The following SHPRH variants were observed in gnomAD, a reference collection of about 807,000 sequenced individuals.
SHPRH encodes the protein E3 ubiquitin-protein ligase SHPRH.
In SHPRH, 106 loss-of-function variants were observed where a neutral mutation model predicts 202.5. That is an observed-to-expected ratio of 0.52 (90% CI 0.45 to 0.62). The LOEUF (loss-of-function observed/expected upper bound fraction) is 0.62. SHPRH is among the 20% of genes least tolerant of loss of function. The pLI is 0.00. For synonymous variants in SHPRH, 729 were observed against 686.0 expected (o/e 1.06, Z -0.98); for missense variants, 1,710 against 2,020.0 (o/e 0.85, Z 2.94).
chr6:145,921,246 G>C lies in SHPRH; in HGVS notation c.3929C>G (p.Ser1310Ter). The change falls in exon 21 of 30, where the codon TCA (serine) becomes TGA (stop). Residue 1310 changes from serine to a stop codon, truncating the protein, a stop_gained. Transcript: ENST00000275233. LOFTEE classifies it high-confidence loss of function. ...AACAAATTCAACATCAAACCTATGT[G>C]ATTTTGCAAATGATAGTATTGCTTT... Reference protein sequence around the residue: ...SMKAILSFAKSHRFDVEFVDE... With the variant: ...SMKAILSFAK The C allele has an allele frequency of 6.2e-7, 1 of 1,612,796 alleles. No homozygotes were observed. Among genetic ancestry groups the C allele is most frequent in the Non-Finnish European group, 8.5e-7 (1 of 1,179,284 alleles).
At chr6:145,869,758 TCA>T (rs1779967674) in intron 2 of SHPRH, among the ~76,000 whole-genome samples, 1 of 152,042 alleles carries the variant, frequency 6.6e-6, no homozygotes, top group Non-Finnish European at 1.5e-5. Context: ...TTAGATACTA[TCA>T]GTCTTCTGAC....
chr6:145,895,818 C>T (rs981052693), intron 25 of SHPRH, among the ~76,000 whole-genome samples: 3 of 151,910 alleles, frequency 2.0e-5, no homozygotes, highest in Non-Finnish European at 2.9e-5. Flanking sequence ...TCCAATAGGG[C>T]TGAATGATAA....
At chr6:145,878,403 A>G (rs1780399195) in intron 2 of SHPRH, among the ~76,000 whole-genome samples, 1 of 152,188 alleles carries the variant, frequency 6.6e-6, no homozygotes, top group African/African-American at 2.4e-5. Context: ...CCCGTGTAGT[A>G]GCATACAGAA....
intron 1 of SHPRH, among the ~76,000 whole-genome samples, chr6:145,962,983 T>C (rs1326930938): frequency 6.6e-6 from 1 of 152,248 alleles, no homozygotes; most frequent in East Asian, 1.9e-4. Flanking sequence ...GCCTAAACTC[T>C]TAATAATAAA....
chr6:145,944,663 T>A (rs1304224121), intron 8 of SHPRH, among the ~76,000 whole-genome samples: 1 of 152,130 alleles, frequency 6.6e-6, no homozygotes, highest in Admixed American at 6.6e-5. Context: ...AAATTTTTTG[T>A]CTTTTTCTTG....
Position 145,886,784 on chromosome 6 carries a change from G to T in SHPRH, c.4959C>A (p.His1653Gln). The stretch of plus-strand genomic sequence containing the variant: ...CTGAATGCTTTGCTGATGAGTTCGT[G>T]TGACTGCAAGGTTTCCCAAATGAGC... ...QAMLKTAERS[H>Q]TNSSAKHSEA... is the part of the protein sequence containing the mutation. The change falls in exon 30 of 30, where the codon CAC becomes CAA. Residue 1653 changes from histidine (H) to glutamine (Q), a missense_variant. Around this residue, in one of 8 missense-constraint regions of SHPRH, gnomAD observed 306 missense variants for 479.5 expected, o/e 0.64. Transcript: ENST00000275233. 1 of 1,612,944 alleles carries T rather than the reference G, an allele frequency of 6.2e-7. No individual in the cohort carries two copies. The highest frequency in any genetic ancestry group is 1.1e-5 in the South Asian group (1 of 90,838).
intron 25 of SHPRH, among the ~76,000 whole-genome samples, chr6:145,901,833 T>A (rs1782530791): frequency 1.3e-5 from 2 of 152,052 alleles, no homozygotes; most frequent in African/African-American, 4.8e-5. Context: ...CACACCCTAA[T>A]CCTAACTTTG....
intron 6 of SHPRH, 135 bp downstream of exon 6, chr6:145,947,354 TTAAC>T (rs956090932): frequency 8.3e-6 from 8 of 964,618 alleles, no homozygotes; most frequent in Non-Finnish European, 1.2e-5. Context: ...CCACTTGAAG[TTAAC>T]TAACCACTAA....
chr6:145,959,721 C>T (rs1788896470), intron 1 of SHPRH, among the ~76,000 whole-genome samples: 1 of 152,216 alleles, frequency 6.6e-6, no homozygotes, highest in Non-Finnish European at 1.5e-5. Flanking sequence ...TGCAAAAAGT[C>T]TATGTATCAG....
At chr6:145,892,409 A>G (rs1268658075) in intron 28 of SHPRH, among the ~76,000 whole-genome samples, 1 of 152,018 alleles carries the variant, frequency 6.6e-6, no homozygotes, top group African/African-American at 2.4e-5. Context: ...CTACCCCAAC[A>G]CTTTAAGTCA....
intron 2 of SHPRH, among the ~76,000 whole-genome samples, chr6:145,867,617 T>C (rs1170328597): frequency 1.4e-5 from 1 of 69,234 alleles, no homozygotes; most frequent in Non-Finnish European, 2.6e-5. Flanking sequence ...TATATATATA[T>C]ATATATATAT....
In SHPRH at chr6:145,962,091, G is replaced by A. The variant is rs558583222; in HGVS notation, c.-33+1640C>T. On this transcript the variant is annotated intron_variant, in intron 1 of 29. Transcript: ENST00000275233. Reference sequence around the variant, plus strand: ...TTATGTGAAGTTTTCTATATGGACCGCACTTTTACTGTCTTGTATTTAAAT... The same window carrying A: ...TTATGTGAAGTTTTCTATATGGACCACACTTTTACTGTCTTGTATTTAAAT... Among the ~76,000 whole-genome samples, 11 of 152,060 alleles carry A rather than the reference G, an allele frequency of 7.2e-5. No individual in the cohort carries two copies. The East Asian group carries it at 1.2e-3, about 16-fold the overall frequency.
chr6:145,879,867 G>C (rs942146993), downstream of SHPRH, among the ~76,000 whole-genome samples: 1 of 133,244 alleles, frequency 7.5e-6, no homozygotes, highest in Non-Finnish European at 1.5e-5. Flanking sequence ...AGCCAAGATC[G>C]CACCATTGCA....
At chr6:145,860,749 A>C (rs1312011426), downstream of SHPRH, among the ~76,000 whole-genome samples, 1 of 152,140 alleles carries the variant, frequency 6.6e-6, no homozygotes, top group Non-Finnish European at 1.5e-5. Flanking sequence ...ATCAAAACAT[A>C]TTATAAAGCT....
At chr6:145,894,292 G>T in intron 26 of SHPRH, 56 bp from the exon 27 acceptor site, 1 of 1,311,266 alleles carries the variant, frequency 7.6e-7, no homozygotes, top group South Asian at 1.4e-5. Context: ...TTTATCTAAG[G>T]GTATCTGAAA....
At chr6:145,894,380 T>A in intron 26 of SHPRH, 144 bp from the exon 27 acceptor site, 1 of 487,832 alleles carries the variant, frequency 2.0e-6, no homozygotes, top group Admixed American at 4.1e-5. Flanking sequence ...TGTAGTACCA[T>A]CCATATTATT....
At position 145,923,747 on chromosome 6, in the gene SHPRH, G is replaced by T. The variant is rs1464001717; in HGVS notation, c.3441C>A (p.His1147Gln). 6.2e-7 allele frequency: 1 copy of T among 1,611,132 alleles called. No homozygotes were observed. The highest frequency in any genetic ancestry group is 8.5e-7 in the Non-Finnish European group (1 of 1,178,268). The change falls in exon 18 of 30, where the codon CAC becomes CAA. Residue 1147 changes from histidine to glutamine, a missense_variant. His to Gln is a conservative substitution (Grantham distance 24, BLOSUM62 0). Transcript: ENST00000275233. ...SNSPWWLNVI[H>Q]RAIEFTIDEE... ...CATCAATAGTAAATTCTATTGCTCTGTGGATCACATTTAGCCACCAAGGAG... is the reference window on the plus strand; with the variant it reads ...CATCAATAGTAAATTCTATTGCTCTTTGGATCACATTTAGCCACCAAGGAG...
chr6:145,859,998 A>C (rs1779529651), downstream of SHPRH, among the ~76,000 whole-genome samples: 1 of 152,052 alleles, frequency 6.6e-6, no homozygotes, highest in African/African-American at 2.4e-5. Flanking sequence ...TATGAATATA[A>C]TTGCCTATAC....
At chr6:145,876,395 C>T (rs1181360425) in intron 2 of SHPRH, among the ~76,000 whole-genome samples, 2 of 152,130 alleles carry the variant, frequency 1.3e-5, no homozygotes, top group African/African-American at 2.4e-5. Flanking sequence ...AAAGATTTGC[C>T]TATTCTAGAC....
Sources: allele counts gnomAD v4.1 joint callset (sites outside exome capture counted in the v4.1 genomes callset), GRCh38; gene constraint gnomAD v4.1.1; regional missense constraint gnomAD v4.1.1; transcripts MANE v1.5; gene names NCBI Gene and HGNC (gene_info 2026-07-23, HGNC 2026-07-21).